Variants in CLSTN2 observed in about 807,000 individuals in gnomAD.
CLSTN2 encodes calsyntenin-2.
Under a neutral mutation model 101.2 loss-of-function variants are expected in CLSTN2, and 48 were observed. The observed-to-expected ratio is 0.47, with a 90% CI of 0.38 to 0.60. CLSTN2 has a LOEUF of 0.60. CLSTN2 is among the 20% of genes least tolerant of loss of function. CLSTN2 has a pLI of 0.00. For missense variants in CLSTN2, 1,160 were observed against 1,238.2 expected, an observed-to-expected ratio of 0.94 and a Z score of 0.95; for synonymous variants, 481 against 463.6, an observed-to-expected ratio of 1.04 and a Z score of -0.48.
At chr3:139,984,700 A>T (rs2107825385) in intron 1 of CLSTN2, among the ~76,000 whole-genome samples, 1 of 152,268 alleles carries the variant, frequency 6.6e-6, no homozygotes, top group East Asian at 1.9e-4. Context: ...AGCTCTGCTT[A>T]CATGACTCCC....
chr3:140,320,017 C>A (rs1271034119), intron 2 of CLSTN2, among the ~76,000 whole-genome samples: 1 of 152,208 alleles, frequency 6.6e-6, no homozygotes, highest in East Asian at 1.9e-4. Flanking sequence ...CCTTGTCATG[C>A]CATGAGAGGC....
intron 2 of CLSTN2, among the ~76,000 whole-genome samples, chr3:140,371,029 C>T (rs1559851236): frequency 1.3e-5 from 2 of 152,332 alleles, no homozygotes; most frequent in Non-Finnish European, 2.9e-5. Flanking sequence ...AATTTAAACA[C>T]CTGCTAAGTG....
intron 2 of CLSTN2, among the ~76,000 whole-genome samples, chr3:140,224,660 A>G (rs960579526): frequency 2.0e-5 from 3 of 152,206 alleles, no homozygotes; most frequent in Non-Finnish European, 2.9e-5. Flanking sequence ...ATAATCAGTC[A>G]TAACCATGGA....
chr3:140,336,558 A>G (rs1576521168), intron 2 of CLSTN2, among the ~76,000 whole-genome samples: 1 of 152,058 alleles, frequency 6.6e-6, no homozygotes, highest in African/African-American at 2.4e-5. Context: ...ACTGTTTAGC[A>G]CCCAGATTCT....
intron 2 of CLSTN2, among the ~76,000 whole-genome samples, chr3:140,318,124 C>T (rs1043884628): frequency 6.6e-6 from 1 of 152,172 alleles, no homozygotes; most frequent in African/African-American, 2.4e-5. Flanking sequence ...AGCCACGGTG[C>T]CTGGCTCCAG....
chr3:140,344,472 T>G (rs1165245956), intron 2 of CLSTN2, among the ~76,000 whole-genome samples: 2 of 152,220 alleles, frequency 1.3e-5, no homozygotes, highest in African/African-American at 4.8e-5. Context: ...AAATATTTCC[T>G]GAAGAGTAAT....
chr3:140,070,586 A>G (rs541876834), intron 1 of CLSTN2, among the ~76,000 whole-genome samples: 1 of 152,264 alleles, frequency 6.6e-6, no homozygotes, highest in East Asian at 1.9e-4. Flanking sequence ...AAGTAGAAAG[A>G]GTATATTTTT....
intron 2 of CLSTN2, among the ~76,000 whole-genome samples, chr3:140,331,010 A>G (rs2087378535): frequency 6.6e-6 from 1 of 152,218 alleles, no homozygotes; most frequent in African/African-American, 2.4e-5. Context: ...ACAAAGTCCC[A>G]TGATAGGTCA....
chr3:140,329,415 C>T (rs1227670453), intron 2 of CLSTN2, among the ~76,000 whole-genome samples: 1 of 152,172 alleles, frequency 6.6e-6, no homozygotes, highest in East Asian at 1.9e-4. Context: ...TCTTCTGTAT[C>T]TTTTGACTTT....
At chr3:140,016,714 G>A (rs1383025799) in intron 1 of CLSTN2, among the ~76,000 whole-genome samples, 3 of 144,636 alleles carry the variant, frequency 2.1e-5, no homozygotes, top group African/African-American at 5.1e-5. Flanking sequence ...CAGGAGAATC[G>A]CTTGAACCTC....
chr3:140,113,586 T>G (rs924621339), intron 1 of CLSTN2, among the ~76,000 whole-genome samples: 6 of 152,212 alleles, frequency 3.9e-5, no homozygotes. Flanking sequence ...GAAATTGGAC[T>G]GTGGGGTTTA....
chr3:140,243,347 G>A (rs949215494), intron 2 of CLSTN2, among the ~76,000 whole-genome samples: 2 of 152,146 alleles, frequency 1.3e-5, no homozygotes, highest in African/African-American at 4.8e-5. Context: ...ACCATTGATG[G>A]GTAAATGATA....
chr3:140,330,977 G>A (rs1265793628), intron 2 of CLSTN2, among the ~76,000 whole-genome samples: 1 of 152,160 alleles, frequency 6.6e-6, no homozygotes, highest in Non-Finnish European at 1.5e-5. Context: ...TTATTAGGGA[G>A]AATTGACTCA....
intron 1 of CLSTN2, among the ~76,000 whole-genome samples, chr3:139,957,462 T>C (rs1481852471): frequency 1.3e-5 from 2 of 152,226 alleles, no homozygotes; most frequent in East Asian, 3.9e-4. Context: ...AACCTGTATA[T>C]GCCTCAAATA....
chr3:140,432,000 C>CAAAAG (rs780821800), intron 5 of CLSTN2, among the ~76,000 whole-genome samples: 32 of 152,110 alleles, frequency 2.1e-4, no homozygotes, highest in Non-Finnish European at 4.3e-4. Flanking sequence ...CACCATCATG[C>CAAAAG]AAAAGAAAAC....
At chr3:139,997,349 G>GACAC (rs5852963) in intron 1 of CLSTN2, among the ~76,000 whole-genome samples, 144,611 of 151,916 alleles carry the variant, frequency 0.95, 68,722 homozygotes, top group East Asian at 1. Flanking sequence ...TTGTCAGAAA[G>GACAC]ACGCAAACAC....
intron 2 of CLSTN2, among the ~76,000 whole-genome samples, chr3:140,320,382 C>A (rs914993966): frequency 2.6e-5 from 4 of 152,096 alleles, no homozygotes; most frequent in East Asian, 1.9e-4. Context: ...CTGATCACCT[C>A]CCCCTAGAAG....
intron 1 of CLSTN2, among the ~76,000 whole-genome samples, chr3:140,012,258 G>C (rs1377587889): frequency 1.3e-5 from 2 of 152,184 alleles, no homozygotes; most frequent in Admixed American, 1.3e-4. Context: ...TAGCAATTGA[G>C]TAAGAAGCTG....
At chr3:140,095,310 A>G (rs1302254651) in intron 1 of CLSTN2, among the ~76,000 whole-genome samples, 1 of 152,180 alleles carries the variant, frequency 6.6e-6, no homozygotes, top group African/African-American at 2.4e-5. Context: ...TGGGGAGGAC[A>G]GTTTCTGAAA....
Sources: gnomAD v4.1 joint callset for allele counts (sites outside exome capture counted in the v4.1 genomes callset) on GRCh38, gnomAD v4.1.1 for gene constraint, MANE v1.5 for transcripts, NCBI Gene and HGNC (gene_info 2026-07-23, HGNC 2026-07-21) for gene names.